The following OPCML variants were observed in gnomAD, a reference collection of about 807,000 sequenced individuals.
OPCML encodes opioid-binding protein/cell adhesion molecule.
In OPCML, 13 loss-of-function variants were observed where a neutral mutation model predicts 37.8. The observed-to-expected ratio is 0.34, with a 90% CI of 0.22 to 0.55. OPCML has a LOEUF of 0.55. Ranked by LOEUF, OPCML falls within the 20% of genes least tolerant of loss-of-function variation. The pLI is 0.91. For synonymous variants in OPCML, 176 were observed against 168.8 expected (o/e 1.04, Z -0.33); for missense variants, 341 against 435.6 (o/e 0.78, Z 1.93).
At chr11:133,348,984 T>G (rs191510087) in intron 1 of OPCML, among the ~76,000 whole-genome samples, 12 of 152,298 alleles carry the variant, frequency 7.9e-5, no homozygotes, top group Admixed American at 7.2e-4. Flanking sequence ...CTAAGCTGTG[T>G]GTCATAGGGG....
intron 2 of OPCML, among the ~76,000 whole-genome samples, chr11:132,864,407 AC>A (rs1192143690): frequency 6.6e-6 from 1 of 152,234 alleles, no homozygotes; most frequent in African/African-American, 2.4e-5. Context: ...TCACTCACTC[AC>A]CACGTAACTT....
intron 1 of OPCML, among the ~76,000 whole-genome samples, chr11:133,040,948 C>A (rs1947881257): frequency 6.6e-6 from 1 of 152,144 alleles, no homozygotes; most frequent in Admixed American, 6.5e-5. Context: ...CATCTTCTTA[C>A]CTGCTAGAGA....
chr11:133,168,242 C>T (rs993929381), intron 1 of OPCML, among the ~76,000 whole-genome samples: 1 of 152,214 alleles, frequency 6.6e-6, no homozygotes. Flanking sequence ...CAGGGAGATA[C>T]TCCAGGGATG....
At chr11:132,967,569 C>T in intron 1 of OPCML, among the ~76,000 whole-genome samples, 1 of 152,138 alleles carries the variant, frequency 6.6e-6, no homozygotes, top group East Asian at 1.9e-4. Flanking sequence ...ACCACTTTTA[C>T]TGTTGTTATT....
chr11:132,464,662 A>C (rs188567943), intron 4 of OPCML, among the ~76,000 whole-genome samples: 1 of 152,296 alleles, frequency 6.6e-6, no homozygotes, highest in Admixed American at 6.5e-5. Flanking sequence ...CAAATCATTG[A>C]TGCTTTCTCG....
intron 1 of OPCML, among the ~76,000 whole-genome samples, chr11:132,963,112 G>A (rs916589803): frequency 2.6e-5 from 4 of 152,098 alleles, no homozygotes; most frequent in African/African-American, 7.2e-5. Flanking sequence ...TTGCAGGGTG[G>A]GCTTCAGGTT....
At chr11:132,769,491 C>G (rs532202122) in intron 2 of OPCML, among the ~76,000 whole-genome samples, 1 of 152,294 alleles carries the variant, frequency 6.6e-6, no homozygotes, top group Non-Finnish European at 1.5e-5. Flanking sequence ...TCCTCAACAC[C>G]AGGCTGCTGA....
At chr11:132,526,726 T>G (rs551396183) in intron 4 of OPCML, among the ~76,000 whole-genome samples, 1 of 152,328 alleles carries the variant, frequency 6.6e-6, no homozygotes, top group South Asian at 2.1e-4. Flanking sequence ...TTTCGGTATA[T>G]TTATACTTCA....
chr11:133,044,967 C>G (rs1177541687), intron 1 of OPCML, among the ~76,000 whole-genome samples: 2 of 152,192 alleles, frequency 1.3e-5, no homozygotes, highest in African/African-American at 4.8e-5. Context: ...TCTCCTCTCT[C>G]AAGTGCTTTC....
chr11:133,463,123 A>AAG (rs1210218219), intron 1 of OPCML, among the ~76,000 whole-genome samples: 40 of 151,308 alleles, frequency 2.6e-4, no homozygotes, highest in Admixed American at 8.6e-4. Flanking sequence ...CAGGCTCAAA[A>AAG]AAAAAAAAAA....
chr11:132,905,397 A>T (rs1011673093), intron 2 of OPCML, among the ~76,000 whole-genome samples: 1 of 151,796 alleles, frequency 6.6e-6, no homozygotes, highest in Non-Finnish European at 1.5e-5. Context: ...ACGTCCGGCT[A>T]ATTTTTTGTA....
chr11:133,425,792 C>T (rs760662912), intron 1 of OPCML, among the ~76,000 whole-genome samples: 2 of 152,088 alleles, frequency 1.3e-5, no homozygotes, highest in African/African-American at 2.4e-5. Flanking sequence ...ATAGTAAACA[C>T]GAATACATTC....
At chr11:133,118,980 G>A (rs75828131) in intron 1 of OPCML, among the ~76,000 whole-genome samples, 12 of 152,330 alleles carry the variant, frequency 7.9e-5, no homozygotes, top group East Asian at 3.9e-4. Flanking sequence ...AAGGCCAAAG[G>A]AGGACTGGCT....
chr11:132,971,510 C>G (rs1946343291), intron 1 of OPCML, among the ~76,000 whole-genome samples: 1 of 152,214 alleles, frequency 6.6e-6, no homozygotes, highest in Non-Finnish European at 1.5e-5. Context: ...TCTTCTCCAG[C>G]ATTGATGTGC....
intron 1 of OPCML, among the ~76,000 whole-genome samples, chr11:133,235,405 G>A (rs944306804): frequency 5.9e-5 from 9 of 152,132 alleles, no homozygotes; most frequent in Admixed American, 2.0e-4. Flanking sequence ...TTTACATGGG[G>A]ACCATGGAAT....
rs1945388331 is a variant in OPCML at position 132,936,722 on chromosome 11, A to G, written c.146+6204T>C. On this transcript the variant is annotated intron_variant, in intron 2 of 7. Coordinates refer to ENST00000524381, the MANE Select transcript of OPCML (RefSeq NM_001012393.5). ...ACAGCTTCAATGTTCATTTCTTAAA[A>G]GAAAATACACCAGGTATAAAAAGCA... is the stretch of plus-strand genomic sequence containing the variant. Among the ~76,000 whole-genome samples, 2 of 152,184 alleles carry G rather than the reference A, an allele frequency of 1.3e-5. 1 individual carries two copies. Among genetic ancestry groups the G allele is most frequent in the South Asian group, 4.1e-4 (2 of 4,828 alleles).
chr11:132,907,629 C>CAA lies in OPCML; in HGVS notation c.146+35295_146+35296dup, dbSNP rs36051091. Reference sequence around the variant, plus strand: ...CTGGTGACAGAGCGAAACTCTGTCTCAAAAAAAAAAAAAAGAAGAAGAAAA... The same window carrying CAA: ...CTGGTGACAGAGCGAAACTCTGTCTCAAAAAAAAAAAAAAAAGAAGAAGAAAA... On this transcript the variant is annotated intron_variant, in intron 2 of 7. Coordinates refer to ENST00000524381, the MANE Select transcript of OPCML (RefSeq NM_001012393.5). Among the ~76,000 whole-genome samples, 83 of 122,728 alleles carry CAA rather than the reference C, an allele frequency of 6.8e-4. 1 individual carries two copies. In the South Asian group the frequency reaches 8.5e-3, roughly 13 times the overall value. 80.5% of individuals were successfully genotyped at this position (122,728 alleles called of 152,430 possible).
At chr11:133,423,795 C>T (rs1039429808) in intron 1 of OPCML, among the ~76,000 whole-genome samples, 13 of 152,112 alleles carry the variant, frequency 8.5e-5, no homozygotes, top group African/African-American at 3.1e-4. Flanking sequence ...GCTTGGCATG[C>T]TCTCCACAGT....
At chr11:132,624,996 C>T (rs1046157334) in intron 3 of OPCML, among the ~76,000 whole-genome samples, 4 of 152,106 alleles carry the variant, frequency 2.6e-5, no homozygotes, top group Non-Finnish European at 5.9e-5. Context: ...TTGCCAAAAC[C>T]TAAAACAAAA....
Sources: gnomAD v4.1 joint callset for allele counts (sites outside exome capture counted in the v4.1 genomes callset) on GRCh38, gnomAD v4.1.1 for gene constraint, MANE v1.5 for transcripts, NCBI Gene and HGNC (gene_info 2026-07-23, HGNC 2026-07-21) for gene names.